The following PAPPA variants were observed in gnomAD, a reference collection of about 807,000 sequenced individuals.
PAPPA encodes the protein pappalysin-1.
In PAPPA, 60 loss-of-function variants were observed where a neutral mutation model predicts 164.0. The observed-to-expected ratio is 0.37, with a 90% CI of 0.30 to 0.45. PAPPA has a LOEUF of 0.45. Among genes scored for constraint, PAPPA ranks in the 20% least tolerant of loss-of-function variants. The pLI is 1.00. For missense variants in PAPPA, 1,782 were observed against 2,087.3 expected (o/e 0.85, Z 2.85); for synonymous variants, 875 against 814.1 (o/e 1.07, Z -1.27).
In PAPPA at chr9:116,227,433, A is replaced by T. The variant is rs138825324; in HGVS notation, c.2114A>T (p.Glu705Val). 198 of 1,613,724 alleles carry T rather than the reference A, an allele frequency of 1.2e-4. No homozygotes were observed. The highest frequency in any genetic ancestry group is 1.2e-4 in the Admixed American group (7 of 59,972). ...PPIDGHFFERELGSACHLCLE... is the reference protein window; with the variant it reads ...PPIDGHFFERVLGSACHLCLE... ...TCCCTCTTTCCTTGGCCTCCTAGAG[A>T]ATTGGGATCAGCATGTCATCTTTGC... Residue 705 changes from glutamate to valine, a missense_variant and splice_region_variant, in exon 6 of 22, where the codon GAA becomes GTA. By Grantham distance (121) the Glu-to-Val change is moderately radical. Transcript: ENST00000328252.
chr9:116,231,507 C>T (rs560430000), intron 6 of PAPPA, among the ~76,000 whole-genome samples: 6 of 152,192 alleles, frequency 3.9e-5, no homozygotes, highest in South Asian at 4.2e-4. Flanking sequence ...ATATTGTCTG[C>T]GTTAGTCCAA....
chr9:116,296,959 A>G (rs955600376), intron 9 of PAPPA, among the ~76,000 whole-genome samples: 1 of 151,960 alleles, frequency 6.6e-6, no homozygotes, highest in African/African-American at 2.4e-5. Flanking sequence ...TGTTCAACTG[A>G]TTCTCCTGCC....
intron 6 of PAPPA, among the ~76,000 whole-genome samples, chr9:116,231,755 C>T (rs371174057): frequency 1.4e-5 from 1 of 70,992 alleles, no homozygotes; most frequent in African/African-American, 5.4e-5. Context: ...TTTTTCTTTT[C>T]TTTTCTTTTT....
chr9:116,240,191 A>C (rs1286663533), intron 7 of PAPPA, among the ~76,000 whole-genome samples: 1 of 152,206 alleles, frequency 6.6e-6, no homozygotes, highest in Non-Finnish European at 1.5e-5. Flanking sequence ...CATGCAACAA[A>C]TATTCACTGG....
At chr9:116,275,693 TCTC>T (rs1845188438) in intron 9 of PAPPA, among the ~76,000 whole-genome samples, 1 of 151,994 alleles carries the variant, frequency 6.6e-6, no homozygotes, top group Non-Finnish European at 1.5e-5. Flanking sequence ...CTCATATTCT[TCTC>T]CTTTTTCTCC....
At chr9:116,161,375 A>G (rs1843662975) in intron 1 of PAPPA, among the ~76,000 whole-genome samples, 1 of 152,130 alleles carries the variant, frequency 6.6e-6, no homozygotes, top group Admixed American at 6.5e-5. Context: ...CGACTTTCAA[A>G]CTGTCAGGGG....
chr9:116,195,647 C>T (rs1844095169), intron 2 of PAPPA, among the ~76,000 whole-genome samples: 2 of 152,134 alleles, frequency 1.3e-5, no homozygotes, highest in African/African-American at 4.8e-5. Context: ...TAGGACAGCA[C>T]CTGGCACATA....
intron 4 of PAPPA, among the ~76,000 whole-genome samples, chr9:116,219,177 G>C (rs575028691): frequency 1.3e-5 from 2 of 152,256 alleles, no homozygotes; most frequent in African/African-American, 4.8e-5. Flanking sequence ...CTTCCTGGTC[G>C]CCTGCCTGTC....
At chr9:116,342,706 G>A (rs1184255723) in intron 13 of PAPPA, among the ~76,000 whole-genome samples, 2 of 152,082 alleles carry the variant, frequency 1.3e-5, no homozygotes, top group African/African-American at 4.8e-5. Context: ...TCTGACACTG[G>A]TTTGGCCAAA....
chr9:116,229,388 C>T (rs184063404), intron 6 of PAPPA, among the ~76,000 whole-genome samples: 111 of 152,328 alleles, frequency 7.3e-4, no homozygotes, highest in African/African-American at 2.7e-3. Context: ...CTGATAGACA[C>T]ATGACATGTG....
In PAPPA at chr9:116,327,785, G is replaced by A. The variant is rs570814717; in HGVS notation, c.3148-3459G>A. 1.2e-4 allele frequency among the ~76,000 whole-genome samples: 19 copies of A among 152,258 alleles called. 1 individual carries two copies. In the South Asian group the frequency reaches 3.7e-3, roughly 30 times the overall value. On this transcript the variant is annotated intron_variant, in intron 10 of 21. Transcript: ENST00000328252. ...GCAGATTCACTCAATGTCTATGAAA[G>A]CAGGAGGCTTGTAAGGGTTTGCCTC...
At chr9:116,337,560 T>C (rs1846077296) in intron 13 of PAPPA, among the ~76,000 whole-genome samples, 1 of 152,154 alleles carries the variant, frequency 6.6e-6, no homozygotes, top group Non-Finnish European at 1.5e-5. Flanking sequence ...CACTTTACTC[T>C]CAGCTGTTTC....
In PAPPA at chr9:116,254,590, G is replaced by A. The variant is rs151049251; in HGVS notation, c.2733-11267G>A. On this transcript the variant is annotated intron_variant, in intron 7 of 21. Transcript: ENST00000328252. ...AAGGTCAGGAGATCGAGACCATCCC[G>A]GCTAATACGGTGAAACCCCATCTCT... Among the ~76,000 whole-genome samples, 217 of 152,092 alleles carry A rather than the reference G, an allele frequency of 1.4e-3. No individual in the cohort carries two copies. The East Asian group carries it at 0.031, about 22-fold the overall frequency.
At chr9:116,161,543 G>A (rs1843664698) in intron 1 of PAPPA, among the ~76,000 whole-genome samples, 1 of 152,140 alleles carries the variant, frequency 6.6e-6, no homozygotes, top group Admixed American at 6.5e-5. Context: ...AGTTTAAATG[G>A]ATATGGACTG....
At chr9:116,337,840 T>A (rs1846081572) in intron 13 of PAPPA, among the ~76,000 whole-genome samples, 1 of 152,194 alleles carries the variant, frequency 6.6e-6, no homozygotes, top group Non-Finnish European at 1.5e-5. Flanking sequence ...CCACTCTAGC[T>A]TCAGGGGTCT....
At chr9:116,352,625 G>A in intron 15 of PAPPA, 81 bp from the exon 16 acceptor site, 1 of 1,107,530 alleles carries the variant, frequency 9.0e-7, no homozygotes, top group Non-Finnish European at 1.4e-6. Context: ...CTTCAAGTCA[G>A]CTAAAATCCA....
chr9:116,206,308 T>G (rs1244649288), intron 2 of PAPPA, among the ~76,000 whole-genome samples: 2 of 152,150 alleles, frequency 1.3e-5, no homozygotes, highest in Non-Finnish European at 2.9e-5. Context: ...TTCGTGAGCT[T>G]GGGGCTTTCT....
intron 7 of PAPPA, among the ~76,000 whole-genome samples, chr9:116,254,988 G>C (rs1014208579): frequency 4.0e-5 from 6 of 151,754 alleles, no homozygotes; most frequent in Non-Finnish European, 8.8e-5. Context: ...TCACTTCCCA[G>C]TCTTTTTTTA....
In PAPPA at chr9:116,400,163, A is replaced by G. The variant is rs569964861; in HGVS notation, c.*3547A>G. Reference sequence around the variant, plus strand: ...GTGACAAAGCTGTACAGATAGAGATAATAGAAGACAAAGAGATTAAAAGGA... The same window carrying G: ...GTGACAAAGCTGTACAGATAGAGATGATAGAAGACAAAGAGATTAAAAGGA... On this transcript the variant is annotated 3_prime_UTR_variant, in exon 22 of 22. Coordinates refer to ENST00000328252, the MANE Select transcript of PAPPA (RefSeq NM_002581.5). 1 of 152,598 alleles carries G rather than the reference A, an allele frequency of 6.6e-6. No individual in the cohort carries two copies. Among genetic ancestry groups the G allele is most frequent in the Admixed American group, 6.5e-5 (1 of 15,292 alleles). The allele number at this position is 152,598 out of a possible 1,614,324, so 9.5% of individuals were successfully genotyped here.
Sources: gnomAD v4.1 joint callset for allele counts (sites outside exome capture counted in the v4.1 genomes callset) on GRCh38, gnomAD v4.1.1 for gene constraint, MANE v1.5 for transcripts, NCBI Gene and HGNC (gene_info 2026-07-23, HGNC 2026-07-21) for gene names.